Variants in CNDP1 observed in about 807,000 individuals in gnomAD.
CNDP1 encodes the protein carnosine dipeptidase 1.
In CNDP1, 44 loss-of-function variants were observed where a neutral mutation model predicts 58.1. That is an observed-to-expected ratio of 0.76 (90% CI 0.60 to 0.97). The LOEUF is 0.97. Ranked by LOEUF, CNDP1 falls within the 50% of genes least tolerant of loss-of-function variation. CNDP1 has a pLI of 0.00. For synonymous variants in CNDP1, 254 were observed against 252.6 expected, an observed-to-expected ratio of 1.01 and a Z score of -0.05; for missense variants, 616 against 655.1, an observed-to-expected ratio of 0.94 and a Z score of 0.65.
At chr18:74,558,335 C>A (rs1276808219) in intron 2 of CNDP1, among the ~76,000 whole-genome samples, 1 of 151,666 alleles carries the variant, frequency 6.6e-6, no homozygotes, top group Non-Finnish European at 1.5e-5. Flanking sequence ...ACTGTGCACA[C>A]GTTACCTCAG....
intron 1 of CNDP1, among the ~76,000 whole-genome samples, chr18:74,553,365 A>ATT (rs560491885): frequency 1.3e-5 from 2 of 151,000 alleles, no homozygotes; most frequent in African/African-American, 4.9e-5. Context: ...ATTTACAGCT[A>ATT]TTTTTTTTTA....
At chr18:74,541,885 A>G (rs913395733) in intron 1 of CNDP1, among the ~76,000 whole-genome samples, 7 of 152,224 alleles carry the variant, frequency 4.6e-5, no homozygotes, top group Non-Finnish European at 8.8e-5. Flanking sequence ...TTCCGGCGCC[A>G]CAGGACATAA....
chr18:74,583,871 A>C, intron 11 of CNDP1, 163 bp downstream of exon 11: 1 of 708,134 alleles, frequency 1.4e-6, no homozygotes, highest in Non-Finnish European at 2.3e-6. Context: ...TGGAGCCTGG[A>C]TGCCCTAGAT....
intron 5 of CNDP1, among the ~76,000 whole-genome samples, chr18:74,563,334 C>A (rs892757542): frequency 1.3e-5 from 2 of 152,164 alleles, no homozygotes; most frequent in Non-Finnish European, 2.9e-5. Context: ...GCCTTGGTTT[C>A]TATCTCTGTC....
At position 74,585,210 on chromosome 18, in the gene CNDP1, A is replaced by G. The variant is rs1981881413; in HGVS notation, c.*648A>G. The G allele has an allele frequency of 6.6e-6, 1 of 151,818 alleles. No homozygotes were observed. The highest frequency in any genetic ancestry group is 1.5e-5 in the Non-Finnish European group (1 of 67,986). The allele number at this position is 151,818 out of a possible 1,614,324, so 9.4% of individuals were successfully genotyped here. ...AGATGAGTATTTTTTTTTTTATTCC[A>G]AGCTTCTTTACCTTTCCTGAGATCG... On this transcript the variant is annotated 3_prime_UTR_variant, in exon 12 of 12. Transcript: ENST00000358821.
At chr18:74,583,837 A>G in intron 11 of CNDP1, 129 bp downstream of exon 11, 1 of 901,588 alleles carries the variant, frequency 1.1e-6, no homozygotes, top group Non-Finnish European at 1.7e-6. Flanking sequence ...AGCTTAAAGA[A>G]CAGACATTCA....
At chr18:74,547,428 C>T (rs1457660736) in intron 1 of CNDP1, among the ~76,000 whole-genome samples, 3 of 152,210 alleles carry the variant, frequency 2.0e-5, no homozygotes, top group African/African-American at 7.2e-5. Flanking sequence ...GGCAAGAGTG[C>T]TTTCTTTCAT....
At chr18:74,559,296 T>C (rs1981123596) in intron 2 of CNDP1, 27 bp from the exon 3 acceptor site, 2 of 1,613,590 alleles carry the variant, frequency 1.2e-6, no homozygotes, top group Non-Finnish European at 1.7e-6. Flanking sequence ...ACCCCAATGC[T>C]AATGGCCTGC....
chr18:74,548,778 A>G (rs1341270417), intron 1 of CNDP1, among the ~76,000 whole-genome samples: 1 of 152,264 alleles, frequency 6.6e-6, no homozygotes, highest in African/African-American at 2.4e-5. Flanking sequence ...AGTGAAGTCC[A>G]GGCTGATGTG....
chr18:74,561,049 G>A (rs1981184165), intron 4 of CNDP1, 31 bp downstream of exon 4: 3 of 1,596,350 alleles, frequency 1.9e-6, no homozygotes, highest in Non-Finnish European at 2.6e-6. Context: ...ACAGTGCGGT[G>A]CTGCTGTGCT....
At chr18:74,558,673 T>C (rs12961586) in intron 2 of CNDP1, among the ~76,000 whole-genome samples, 48,508 of 151,934 alleles carry the variant, frequency 0.32, 8,820 homozygotes, top group East Asian at 0.43. Flanking sequence ...GGATTACAGG[T>C]GTGAGCCACC....
At chr18:74,567,915 A>G (rs1981372934) in intron 6 of CNDP1, among the ~76,000 whole-genome samples, 1 of 152,204 alleles carries the variant, frequency 6.6e-6, no homozygotes, top group Non-Finnish European at 1.5e-5. Context: ...AGCTTCTACC[A>G]TGCCCAGCCT....
chr18:74,548,042 A>T (rs934418730), intron 1 of CNDP1, among the ~76,000 whole-genome samples: 33 of 152,184 alleles, frequency 2.2e-4, no homozygotes, highest in Non-Finnish European at 4.7e-4. Flanking sequence ...AGACTCTCTC[A>T]GTCCAGGACT....
chr18:74,573,656 G>C (rs906006085), intron 7 of CNDP1, among the ~76,000 whole-genome samples: 1 of 152,168 alleles, frequency 6.6e-6, no homozygotes, highest in African/African-American at 2.4e-5. Context: ...TTAATTTTCT[G>C]TTTTACCAGA....
intron 6 of CNDP1, among the ~76,000 whole-genome samples, chr18:74,568,945 C>G (rs1320477001): frequency 2.0e-5 from 3 of 152,020 alleles, no homozygotes; most frequent in Non-Finnish European, 4.4e-5. Flanking sequence ...AAGAGCTCAT[C>G]AAGGTGTTGA....
intron 1 of CNDP1, among the ~76,000 whole-genome samples, chr18:74,540,517 C>G (rs1980593188): frequency 6.6e-6 from 1 of 152,198 alleles, no homozygotes. Flanking sequence ...CTGCCTCAGC[C>G]TGGCCCCCTG....
chr18:74,542,262 TTTA>T (rs1980644588), intron 1 of CNDP1, among the ~76,000 whole-genome samples: 1 of 152,232 alleles, frequency 6.6e-6, no homozygotes, highest in Middle Eastern at 3.2e-3. Flanking sequence ...CAAGGCCTAA[TTTA>T]TTAGTCATTA....
chr18:74,579,138 G>GCCTCTCTCCTGC (rs200845691), intron 9 of CNDP1, among the ~76,000 whole-genome samples: 4 of 125,414 alleles, frequency 3.2e-5, no homozygotes, highest in African/African-American at 9.5e-5. Flanking sequence ...TTCCTTCCCT[G>GCCTCTCTCCTGC]CCTCTCTCCT....
At chr18:74,541,388 T>G (rs1160291734) in intron 1 of CNDP1, among the ~76,000 whole-genome samples, 3 of 152,206 alleles carry the variant, frequency 2.0e-5, no homozygotes, top group African/African-American at 7.2e-5. Flanking sequence ...CCCTGGTGAC[T>G]GCCACTCTGC....
Sources: gnomAD v4.1 joint callset for allele counts (sites outside exome capture counted in the v4.1 genomes callset) on GRCh38, gnomAD v4.1.1 for gene constraint, MANE v1.5 for transcripts, NCBI Gene and HGNC (gene_info 2026-07-23, HGNC 2026-07-21) for gene names.